RALYL: variants seen among roughly 807,000 people sequenced by gnomAD.
RALYL encodes the protein RNA-binding Raly-like protein.
RALYL carries 29 observed loss-of-function variants against 35.1 expected under a neutral mutation model. That is an observed-to-expected ratio of 0.83 (90% CI 0.61 to 1.13). RALYL has a LOEUF of 1.13. Ranked by LOEUF, RALYL falls within the 50% of genes most tolerant of loss-of-function variation. The probability of loss-of-function intolerance (pLI) is 0.00; values close to 1 mark genes in which losing one functional copy is unlikely to be tolerated. For missense variants in RALYL, 359 were observed against 360.4 expected, an observed-to-expected ratio of 1.00 and a Z score of 0.03; for synonymous variants, 120 against 127.6, an observed-to-expected ratio of 0.94 and a Z score of 0.40.
At chr8:84,464,207 T>C (rs1202286696) in intron 1 of RALYL, among the ~76,000 whole-genome samples, 4 of 151,666 alleles carry the variant, frequency 2.6e-5, no homozygotes, top group East Asian at 3.9e-4. Flanking sequence ...TAGTTACATA[T>C]GTATACATGT....
intron 1 of RALYL, among the ~76,000 whole-genome samples, chr8:84,412,515 A>G: frequency 6.6e-6 from 1 of 151,872 alleles, no homozygotes; most frequent in East Asian, 1.9e-4. Context: ...CATTTGTATC[A>G]AAAGTGAATT....
intron 2 of RALYL, among the ~76,000 whole-genome samples, chr8:84,642,958 C>T (rs1826702522): frequency 6.6e-6 from 1 of 151,948 alleles, no homozygotes; most frequent in Admixed American, 6.6e-5. Flanking sequence ...TTAAGGTGAA[C>T]TATTTCCAGG....
intron 1 of RALYL, among the ~76,000 whole-genome samples, chr8:84,433,536 T>C (rs1401613686): frequency 2.0e-5 from 3 of 151,996 alleles, no homozygotes; most frequent in Admixed American, 6.6e-5. Context: ...CGGGAGGTGA[T>C]TGAATCATGG....
At chr8:84,517,971 T>A (rs959152355) in intron 1 of RALYL, among the ~76,000 whole-genome samples, 7 of 152,132 alleles carry the variant, frequency 4.6e-5, no homozygotes, top group African/African-American at 1.7e-4. Context: ...AAAGAAGTAG[T>A]TCTGAGCCTG....
intron 1 of RALYL, among the ~76,000 whole-genome samples, chr8:84,190,503 T>TTGGTCA (rs1196168821): frequency 6.6e-6 from 1 of 152,210 alleles, no homozygotes; most frequent in Non-Finnish European, 1.5e-5. Context: ...TTTTAAAGAC[T>TTGGTCA]TGGTCATAAG....
intron 2 of RALYL, among the ~76,000 whole-genome samples, chr8:84,760,266 G>T (rs1311853642): frequency 6.6e-6 from 1 of 151,890 alleles, no homozygotes; most frequent in Admixed American, 6.6e-5. Flanking sequence ...TACAAATTTG[G>T]GTGGAACAGA....
chr8:84,365,160 A>G (rs1030758822), intron 1 of RALYL, among the ~76,000 whole-genome samples: 1 of 152,172 alleles, frequency 6.6e-6, no homozygotes, highest in Admixed American at 6.5e-5. Context: ...TTTTCTTAAT[A>G]GTAAATTACT....
chr8:84,770,312 T>C (rs191987710), intron 2 of RALYL, among the ~76,000 whole-genome samples: 401 of 151,566 alleles, frequency 2.6e-3, no homozygotes, highest in Non-Finnish European at 4.0e-3. Flanking sequence ...TTTCTATTCC[T>C]GTGTTGCTTT....
chr8:84,788,278 A>G (rs955084276), intron 3 of RALYL, among the ~76,000 whole-genome samples: 2 of 152,306 alleles, frequency 1.3e-5, no homozygotes, highest in African/African-American at 4.8e-5. Context: ...ACAGATGTCT[A>G]CAACCATATG....
chr8:84,681,956 G>A (rs917588293), intron 2 of RALYL, among the ~76,000 whole-genome samples: 1 of 152,164 alleles, frequency 6.6e-6, no homozygotes, highest in Non-Finnish European at 1.5e-5. Context: ...TGCCCATTCA[G>A]TATGATATTG....
At chr8:84,723,460 A>G (rs1844371324) in intron 2 of RALYL, among the ~76,000 whole-genome samples, 1 of 152,020 alleles carries the variant, frequency 6.6e-6, no homozygotes, top group South Asian at 2.1e-4. Context: ...GGATATTTAT[A>G]TTGATTCTAT....
intron 1 of RALYL, among the ~76,000 whole-genome samples, chr8:84,395,688 C>A (rs985065478): frequency 6.6e-6 from 1 of 151,154 alleles, no homozygotes; most frequent in African/African-American, 2.4e-5. Flanking sequence ...TCATGATATC[C>A]TTAGGTAGAG....
In RALYL at chr8:84,862,442, C is replaced by G; in HGVS notation, c.560C>G (p.Thr187Arg). Residue 187 changes from threonine to arginine, a missense_variant, in exon 6 of 9, where the codon ACA becomes AGA. Thr to Arg is a moderately conservative substitution (Grantham distance 71, BLOSUM62 -1). Transcript: ENST00000521268. ...TCGAGATCTACTGCCAGTGGGTCAA[C>G]AGGTTCTAAATGTAAGTAATGTCCT... is the stretch of plus-strand genomic sequence containing the variant. ...GGSRSTASGSTGSKLKSDELQ... is the reference protein window; with the variant it reads ...GGSRSTASGSRGSKLKSDELQ... The G allele has an allele frequency of 3.1e-6, 5 of 1,598,234 alleles. No individual in the cohort carries two copies. Among genetic ancestry groups the G allele is most frequent in the Non-Finnish European group, 4.3e-6 (5 of 1,173,738 alleles).
chr8:84,677,251 T>C (rs1218842935), intron 2 of RALYL, among the ~76,000 whole-genome samples: 1 of 152,240 alleles, frequency 6.6e-6, no homozygotes, highest in East Asian at 1.9e-4. Flanking sequence ...AAATTTGATC[T>C]TGATTAGCCT....
At chr8:84,690,412 A>G (rs1450595204) in intron 2 of RALYL, among the ~76,000 whole-genome samples, 1 of 152,126 alleles carries the variant, frequency 6.6e-6, no homozygotes, top group African/African-American at 2.4e-5. Flanking sequence ...GTCAAAGAGT[A>G]TAAAGTTGCA....
chr8:84,751,217 C>CT (rs998437890), intron 2 of RALYL, among the ~76,000 whole-genome samples: 20 of 150,788 alleles, frequency 1.3e-4, no homozygotes, highest in Admixed American at 2.6e-4. Context: ...CTGGTTTATG[C>CT]TTTTTTTTTA....
At chr8:84,600,831 A>G (rs1815767001) in intron 2 of RALYL, among the ~76,000 whole-genome samples, 1 of 152,168 alleles carries the variant, frequency 6.6e-6, no homozygotes, top group African/African-American at 2.4e-5. Context: ...AACATCAAAC[A>G]GAACCTGTTG....
At chr8:84,841,612 G>C (rs1833375616) in intron 4 of RALYL, among the ~76,000 whole-genome samples, 1 of 152,160 alleles carries the variant, frequency 6.6e-6, no homozygotes, top group Admixed American at 6.5e-5. Context: ...TCTGCACCAA[G>C]AGGACCTAAT....
chr8:84,736,372 T>C (rs1001641584), intron 2 of RALYL, among the ~76,000 whole-genome samples: 1 of 152,080 alleles, frequency 6.6e-6, no homozygotes, highest in African/African-American at 2.4e-5. Flanking sequence ...ATTTGGGGGA[T>C]GACTGGAAAC....
Sources: allele counts gnomAD v4.1 joint callset (sites outside exome capture counted in the v4.1 genomes callset), GRCh38; gene constraint gnomAD v4.1.1; transcripts MANE v1.5; gene names NCBI Gene and HGNC (gene_info 2026-07-23, HGNC 2026-07-21).